The following PATJ variants were observed in gnomAD, a reference collection of about 807,000 sequenced individuals.
PATJ encodes the protein inaD-like protein.
PATJ carries 190 observed loss-of-function variants against 224.9 expected under a neutral mutation model. The observed-to-expected ratio is 0.84, with a 90% CI of 0.75 to 0.95. The LOEUF is 0.95. Among genes scored for constraint, PATJ ranks in the 40% least tolerant of loss-of-function variants. The probability of loss-of-function intolerance (pLI) is 0.00; values close to 1 mark genes in which losing one functional copy is unlikely to be tolerated. For synonymous variants in PATJ, 769 were observed against 820.3 expected, an observed-to-expected ratio of 0.94 and a Z score of 1.07; for missense variants, 2,121 against 2,270.3, an observed-to-expected ratio of 0.93 and a Z score of 1.34.
chr1:61,844,847 C>G (rs547868077), intron 17 of PATJ, among the ~76,000 whole-genome samples: 2 of 152,244 alleles, frequency 1.3e-5, no homozygotes, highest in South Asian at 2.1e-4. Context: ...CTCATTCTCT[C>G]TCTCTCCTGC....
intron 9 of PATJ, among the ~76,000 whole-genome samples, chr1:61,792,667 G>A: frequency 6.6e-6 from 1 of 151,880 alleles, no homozygotes; most frequent in East Asian, 1.9e-4. Context: ...GTAGCTGGGA[G>A]TACAGGCATA....
intron 1 of PATJ, among the ~76,000 whole-genome samples, chr1:61,759,149 G>A (rs1054599272): frequency 6.6e-6 from 1 of 152,218 alleles, no homozygotes; most frequent in South Asian, 2.1e-4. Flanking sequence ...GGACGGCTTT[G>A]AATGCAGCCT....
At chr1:62,128,378 G>A (rs1010316117) in intron 40 of PATJ, 9 of 328,116 alleles carry the variant, frequency 2.7e-5, no homozygotes, top group Non-Finnish European at 3.3e-5. Flanking sequence ...CCCAAAATCA[G>A]CTCTCAACTG....
chr1:62,083,622 T>A (rs1023151866), intron 32 of PATJ, among the ~76,000 whole-genome samples: 17 of 152,214 alleles, frequency 1.1e-4, no homozygotes, highest in Non-Finnish European at 2.5e-4. Context: ...TTAAATAAAC[T>A]TTTCCTCTAT....
intron 22 of PATJ, among the ~76,000 whole-genome samples, chr1:61,895,756 G>T (rs554081171): frequency 2.6e-5 from 4 of 152,334 alleles, no homozygotes; most frequent in Non-Finnish European, 5.9e-5. Context: ...TGGGGGCACT[G>T]CCTTGTGGAG....
At chr1:62,155,271 C>A (rs1669065940) in intron 43 of PATJ, among the ~76,000 whole-genome samples, 1 of 152,158 alleles carries the variant, frequency 6.6e-6, no homozygotes, top group Non-Finnish European at 1.5e-5. Context: ...ACAGACAGAA[C>A]ATGGGTCAGC....
chr1:62,002,954 A>G (rs1351069488), intron 28 of PATJ, among the ~76,000 whole-genome samples: 3 of 152,208 alleles, frequency 2.0e-5, no homozygotes, highest in African/African-American at 7.2e-5. Context: ...TAGTTTAGGG[A>G]AAGTCTTGAC....
rs371038532 is a variant in PATJ at position 61,959,426 on chromosome 1, T to TATA, written c.3671-30742_3671-30741insATA. 5.8e-3 allele frequency among the ~76,000 whole-genome samples: 576 copies of TATA among 99,640 alleles called. 3 individuals are homozygous for TATA. The highest frequency in any genetic ancestry group is 8.6e-3 in the East Asian group (41 of 4,746). The allele number at this position is 99,640 out of a possible 152,430, so 65.4% of individuals were successfully genotyped here. On this transcript the variant is annotated intron_variant, in intron 27 of 43. Transcript: ENST00000642238. ...ATATATATATTATATATATAATATA[T>TATA]TTTTTTTCTTTTCTTTTTTTTTTTT...
At chr1:61,805,308 GTTAATGCA>G in intron 12 of PATJ, 132 bp from the exon 13 acceptor site, 1 of 601,732 alleles carries the variant, frequency 1.7e-6, no homozygotes, top group Non-Finnish European at 2.9e-6. Flanking sequence ...GCAGACCTAA[GTTAATGCA>G]TTTTCCTTTT....
At chr1:62,159,567 T>C (rs1204579963) in intron 43 of PATJ, among the ~76,000 whole-genome samples, 1 of 151,150 alleles carries the variant, frequency 6.6e-6, no homozygotes, top group Non-Finnish European at 1.5e-5. Context: ...TTTTTTTTTT[T>C]TTTTTTTCCT....
At chr1:62,067,422 C>T (rs983545722) in intron 31 of PATJ, among the ~76,000 whole-genome samples, 4 of 152,068 alleles carry the variant, frequency 2.6e-5, no homozygotes, top group African/African-American at 9.7e-5. Context: ...CCACCACGCC[C>T]AGCCCCGATA....
intron 14 of PATJ, among the ~76,000 whole-genome samples, chr1:61,818,169 A>G (rs1656535309): frequency 6.6e-6 from 1 of 152,244 alleles, no homozygotes; most frequent in Non-Finnish European, 1.5e-5. Flanking sequence ...TGTGGGCAGA[A>G]GGCCTCAAGC....
At chr1:62,105,352 A>G (rs1662773702) in intron 33 of PATJ, among the ~76,000 whole-genome samples, 1 of 152,196 alleles carries the variant, frequency 6.6e-6, no homozygotes, top group Non-Finnish European at 1.5e-5. Context: ...AAAGCCATGC[A>G]TAGTCCGAGT....
intron 13 of PATJ, among the ~76,000 whole-genome samples, chr1:61,808,089 T>G (rs1032825089): frequency 2.0e-5 from 3 of 152,212 alleles, no homozygotes; most frequent in Admixed American, 1.3e-4. Context: ...AATTTTGTTT[T>G]GAGGCTTGGG....
At chr1:62,055,634 G>A (rs1451088829) in intron 31 of PATJ, among the ~76,000 whole-genome samples, 3 of 152,198 alleles carry the variant, frequency 2.0e-5, no homozygotes, top group Non-Finnish European at 1.5e-5. Flanking sequence ...GGATGATGCT[G>A]TCATTCTGAT....
At chr1:62,026,776 T>C (rs1558059715) in intron 29 of PATJ, among the ~76,000 whole-genome samples, 2 of 152,208 alleles carry the variant, frequency 1.3e-5, no homozygotes, top group Non-Finnish European at 2.9e-5. Flanking sequence ...ACACTTTCAC[T>C]TCTTTTCTTG....
intron 6 of PATJ, among the ~76,000 whole-genome samples, chr1:61,773,902 T>C (rs940676762): frequency 2.6e-5 from 4 of 151,608 alleles, no homozygotes; most frequent in African/African-American, 7.3e-5. Context: ...AGGCGGATCA[T>C]GAGGTCAGGA....
intron 28 of PATJ, among the ~76,000 whole-genome samples, chr1:61,997,151 A>C (rs540919205): frequency 6.6e-6 from 1 of 152,286 alleles, no homozygotes; most frequent in East Asian, 1.9e-4. Context: ...AAAATATTAC[A>C]CTTTAGTATG....
intron 8 of PATJ, among the ~76,000 whole-genome samples, chr1:61,789,299 C>G (rs900915912): frequency 6.7e-6 from 1 of 148,806 alleles, no homozygotes; most frequent in African/African-American, 2.5e-5. Context: ...GGGCAAGACT[C>G]TATTAAAAAA....
Sources: gnomAD v4.1 joint callset for allele counts (sites outside exome capture counted in the v4.1 genomes callset) on GRCh38, gnomAD v4.1.1 for gene constraint, MANE v1.5 for transcripts, NCBI Gene and HGNC (gene_info 2026-07-23, HGNC 2026-07-21) for gene names.